Variants in COL8A2 observed in about 807,000 individuals in gnomAD.
COL8A2 encodes the protein collagen alpha-2(VIII) chain.
Under a neutral mutation model 24.0 loss-of-function variants are expected in COL8A2, and 16 were observed. That is an observed-to-expected ratio of 0.67 (90% CI 0.45 to 1.01). The LOEUF (loss-of-function observed/expected upper bound fraction) is 1.01, where lower values mean the gene tolerates loss of function less well. Among genes scored for constraint, COL8A2 ranks in the 50% least tolerant of loss-of-function variants. The pLI is 0.00. For missense variants in COL8A2, 818 were observed against 942.4 expected, an observed-to-expected ratio of 0.87 and a Z score of 1.73; for synonymous variants, 466 against 424.5, an observed-to-expected ratio of 1.10 and a Z score of -1.20.
chr1:36,098,062 C>T lies in COL8A2; in HGVS notation c.1619G>A (p.Gly540Asp). The stretch of plus-strand genomic sequence containing the variant: ...GTTGGGCAGGTGCAAGCCTGCGATG[C>T]CAGTCTCATCGAAGGCCCCAGGGGC... ...PGAPGAFDET[G>D]IAGLHLPNGG... is the part of the protein sequence containing the mutation. Residue 540 changes from glycine to aspartate, a missense_variant, in exon 4 of 4, where the codon GGC (glycine) becomes GAC (aspartate). This residue lies in a region of COL8A2 where 235 missense variants were observed against 297.3 expected (regional missense o/e 0.79). Transcript: ENST00000397799. The T allele has an allele frequency of 3.2e-6, 5 of 1,577,638 alleles. No individual in the cohort carries two copies. The South Asian group carries it at 5.7e-5, about 18-fold the overall frequency.
intron 2 of COL8A2, among the ~76,000 whole-genome samples, chr1:36,112,292 C>T (rs377169367): frequency 8.5e-5 from 13 of 152,120 alleles, no homozygotes; most frequent in Admixed American, 3.3e-4. Context: ...CCTGAGCCAC[C>T]GCGCCCGGCC....
At chr1:36,099,964 G>C (rs865800380) in intron 3 of COL8A2, 86 bp downstream of exon 3, 3 of 1,275,576 alleles carry the variant, frequency 2.4e-6, no homozygotes, top group Non-Finnish European at 3.4e-6. Context: ...TGTGGAGGGC[G>C]CCTGAGGATC....
Position 36,125,217 on chromosome 1 carries a change from C to T in COL8A2, c.-222G>A. ...TCTGCCGGCCGCCCCTCGCGGCTGC[C>T]GGAGTGGGCGGGCGGCAGGAGGGGC... On this transcript the variant is annotated 5_prime_UTR_variant, in exon 1 of 4. Transcript: ENST00000397799. This position sits in a 1 kb window ranked among gnomAD's most constrained non-coding sequence, Gnocchi z 4.5. 1 of 304,882 alleles carries T rather than the reference C, an allele frequency of 3.3e-6. No individual in the cohort carries two copies. The highest frequency in any genetic ancestry group is 4.8e-6 in the Non-Finnish European group (1 of 209,062). The allele number at this position is 304,882 out of a possible 1,614,324, so 18.9% of individuals were successfully genotyped here.
At chr1:36,109,624 C>T (rs1223837205) in intron 2 of COL8A2, among the ~76,000 whole-genome samples, 1 of 150,014 alleles carries the variant, frequency 6.7e-6, no homozygotes, top group African/African-American at 2.5e-5. Context: ...GGCTGGAGTG[C>T]AGTGGCACGA....
chr1:36,120,390 T>C (rs1011703447), intron 1 of COL8A2, among the ~76,000 whole-genome samples: 1 of 150,654 alleles, frequency 6.6e-6, no homozygotes, highest in East Asian at 2.0e-4. Context: ...GAGGTGGAGG[T>C]TGCAGTGAGC....
At chr1:36,124,271 C>G (rs1643935009) in intron 1 of COL8A2, among the ~76,000 whole-genome samples, 1 of 152,222 alleles carries the variant, frequency 6.6e-6, no homozygotes, top group Non-Finnish European at 1.5e-5. Flanking sequence ...ATACAACCAG[C>G]AAAGTTTTCC....
Position 36,097,565 on chromosome 1 carries a change from C to T in COL8A2, c.*4G>A, listed in dbSNP as rs752179559. 9 of 1,599,562 alleles carry T rather than the reference C, an allele frequency of 5.6e-6. No individual in the cohort carries two copies. In the East Asian group the frequency reaches 6.7e-5, roughly 12 times the overall value. ...GGCCAGGGCAGCAGGACCCCCCCCG[C>T]GGGTTATGTGGGGCAGAGCAAGAAT... On this transcript the variant is annotated 3_prime_UTR_variant, in exon 4 of 4. Transcript: ENST00000397799.
rs532061165 is a variant in COL8A2, at chr1:36,098,952, C to T, written c.729G>A (p.Gly243=). The T allele has an allele frequency of 5.6e-6, 9 of 1,609,868 alleles. No homozygotes were observed. The South Asian group carries it at 6.6e-5, about 12-fold the overall frequency. Residue 243 remains glycine (G), a synonymous_variant, in exon 4 of 4, where the codon GGG becomes GGA. Transcript: ENST00000397799. Reference sequence around the variant, plus strand: ...CCTTGTCTCCTGGGGCCCCAGGAAGCCCATCCAAACCAGGTTTGCCTAAGC... The same window carrying T: ...CCTTGTCTCCTGGGGCCCCAGGAAGTCCATCCAAACCAGGTTTGCCTAAGC... ...PAGLGKPGLD[G]LPGAPGDKGE... is the part of the protein sequence containing the mutation.
intron 2 of COL8A2, among the ~76,000 whole-genome samples, chr1:36,107,623 G>A (rs867024355): frequency 6.6e-6 from 1 of 152,266 alleles, no homozygotes; most frequent in Middle Eastern, 3.4e-3. Flanking sequence ...TGGCCACAGC[G>A]GTGAGAAGGG....
chr1:36,103,400 G>C (rs1316866880), intron 2 of COL8A2, among the ~76,000 whole-genome samples: 1 of 152,132 alleles, frequency 6.6e-6, no homozygotes, highest in Admixed American at 6.5e-5. Context: ...AGCTTCCCAA[G>C]TAGCTGGGAC....
chr1:36,112,996 C>T (rs984528973), intron 2 of COL8A2, among the ~76,000 whole-genome samples: 3 of 152,186 alleles, frequency 2.0e-5, no homozygotes, highest in Non-Finnish European at 4.4e-5. Flanking sequence ...CACATGGCTT[C>T]CTGGAGGAGG....
rs750898608 is a variant in COL8A2 at position 36,097,873 on chromosome 1, C to T, written c.1808G>A (p.Ser603Asn). 6.2e-7 allele frequency: 1 copy of T among 1,612,740 alleles called. No individual in the cohort carries two copies. Among genetic ancestry groups the T allele is most frequent in the Non-Finnish European group, 8.5e-7 (1 of 1,180,010 alleles). The change falls in exon 4 of 4, where the codon AGC becomes AAC. Residue 603 changes from serine to asparagine, a missense_variant. Coordinates refer to ENST00000397799, the MANE Select transcript of COL8A2 (RefSeq NM_005202.4). ...KFDRTLYNGHSGYNPATGIFT... is the reference protein window; with the variant it reads ...KFDRTLYNGHNGYNPATGIFT... ...GATGCCAGTGGCTGGGTTGTAGCCG[C>T]TGTGGCCATTGTAGAGAGTCCGGTC...
At position 36,096,434 on chromosome 1, in the gene COL8A2, C is replaced by T. The variant is rs1643565153; in HGVS notation, c.*1135G>A. 1 of 152,338 alleles carries T rather than the reference C, an allele frequency of 6.6e-6. No homozygotes were observed. The highest frequency in any genetic ancestry group is 2.4e-5 in the African/African-American group (1 of 41,422). 9.4% of individuals were successfully genotyped at this position (152,338 alleles called of 1,614,324 possible). ...CCTGCTTAGAACAGGAAATTGGAACCAGAGGGTGGAAGGAGAGGAAGCCCC... is the reference window on the plus strand; with the variant it reads ...CCTGCTTAGAACAGGAAATTGGAACTAGAGGGTGGAAGGAGAGGAAGCCCC... On this transcript the variant is annotated 3_prime_UTR_variant, in exon 4 of 4. Transcript: ENST00000397799.
intron 2 of COL8A2, among the ~76,000 whole-genome samples, chr1:36,114,692 C>T (rs1394373776): frequency 1.3e-5 from 2 of 152,154 alleles, no homozygotes; most frequent in Non-Finnish European, 2.9e-5. Flanking sequence ...CCCACCCACA[C>T]CTCCCTCCTG....
At chr1:36,119,930 G>T (rs1643898098) in intron 1 of COL8A2, among the ~76,000 whole-genome samples, 1 of 152,166 alleles carries the variant, frequency 6.6e-6, no homozygotes, top group African/African-American at 2.4e-5. Context: ...CTCTCCTGAG[G>T]TCACACAGCA....
intron 2 of COL8A2, among the ~76,000 whole-genome samples, chr1:36,106,521 G>A (rs1011855084): frequency 4.6e-5 from 7 of 152,190 alleles, no homozygotes; most frequent in Non-Finnish European, 8.8e-5. Context: ...GCAGATGGAA[G>A]GGGCAGAGTG....
Position 36,098,106 on chromosome 1 carries a change from C to A in COL8A2, c.1575G>T (p.Gly525=). The A allele has an allele frequency of 1.3e-6, 2 of 1,509,406 alleles. No individual in the cohort carries two copies. Among genetic ancestry groups the A allele is most frequent in the Non-Finnish European group, 1.8e-6 (2 of 1,138,410 alleles). The allele number at this position is 1,509,406 out of a possible 1,614,324, so 93.5% of individuals were successfully genotyped here. The change falls in exon 4 of 4, where the codon GGG becomes GGT. Residue 525 remains glycine, a synonymous_variant. Transcript: ENST00000397799. ...CAGGGGCACCAGGGGGTCCCGGGGG[C>A]CCGGGAGGCCCCGGAGGGCCCGTGA... ...PGITGPPGPP[G]PPGPPGAPGA... is the part of the protein sequence containing the mutation.
At chr1:36,099,989 G>C in intron 3 of COL8A2, 61 bp downstream of exon 3, 1 of 1,509,858 alleles carries the variant, frequency 6.6e-7, no homozygotes, top group Non-Finnish European at 9.2e-7. Flanking sequence ...GGCTCTCAGG[G>C]AGGCAGGGGA....
At chr1:36,120,456 T>A (rs1438136957) in intron 1 of COL8A2, among the ~76,000 whole-genome samples, 2 of 144,722 alleles carry the variant, frequency 1.4e-5, no homozygotes, top group Non-Finnish European at 3.0e-5. Context: ...CTCAAAAAAA[T>A]AAATAAAAAG....
Sources: gnomAD v4.1 joint callset for allele counts (sites outside exome capture counted in the v4.1 genomes callset) on GRCh38, gnomAD v4.1.1 for gene constraint, gnomAD v4.1.1 regional missense constraint, Gnocchi (gnomAD v3.1) non-coding constraint, MANE v1.5 for transcripts, NCBI Gene and HGNC (gene_info 2026-07-23, HGNC 2026-07-21) for gene names.